Variants in PDK1 observed in about 807,000 individuals in gnomAD.
PDK1 encodes the protein [Pyruvate dehydrogenase (acetyl-transferring)] kinase isozyme 1, mitochondrial.
PDK1 carries 39 observed loss-of-function variants against 54.2 expected under a neutral mutation model. The ratio of observed to expected loss-of-function variants is 0.72; its 90% CI spans 0.56 to 0.94. The LOEUF is 0.94. Among genes scored for constraint, PDK1 ranks in the 40% least tolerant of loss-of-function variants. PDK1 has a pLI of 0.00. For missense variants in PDK1, 552 were observed against 566.0 expected, an observed-to-expected ratio of 0.98 and a Z score of 0.25; for synonymous variants, 221 against 207.1, an observed-to-expected ratio of 1.07 and a Z score of -0.58.
chr2:172,684,679 C>T, the PDK1 span, among the ~76,000 whole-genome samples: 334 of 152,308 alleles, frequency 2.2e-3, 2 homozygotes, highest in African/African-American at 7.8e-3. Flanking sequence ...TCTTCAGTCT[C>T]AGCAAGGACA....
the PDK1 span, among the ~76,000 whole-genome samples, chr2:172,681,906 C>A: frequency 6.6e-6 from 1 of 152,088 alleles, no homozygotes; most frequent in East Asian, 1.9e-4. Flanking sequence ...TACAGGCACC[C>A]GCCACCACAC....
At chr2:172,570,553 C>T in intron 7 of PDK1, 173 bp from the exon 8 acceptor site, 3 of 456,396 alleles carry the variant, frequency 6.6e-6, no homozygotes, top group South Asian at 4.9e-5. Context: ...CCTTCAAATC[C>T]CCCCCAAATT....
the PDK1 span, chr2:172,674,101 T>G: frequency 5.3e-5 from 8 of 152,238 alleles, no homozygotes; most frequent in Non-Finnish European, 1.2e-4. Context: ...TGATGAACTA[T>G]CAACAAAGAA....
chr2:172,694,259 A>G, the PDK1 span, among the ~76,000 whole-genome samples: 130 of 152,348 alleles, frequency 8.5e-4, no homozygotes, highest in African/African-American at 3.0e-3. Context: ...CCCTAATGCA[A>G]TGTCCATGTG....
At chr2:172,720,205 C>G in the PDK1 span, among the ~76,000 whole-genome samples, 4 of 151,094 alleles carry the variant, frequency 2.6e-5, no homozygotes, top group Non-Finnish European at 5.9e-5. Context: ...ACCTCTGCCT[C>G]CTGGATTCAA....
chr2:172,701,094 G>A, the PDK1 span, among the ~76,000 whole-genome samples: 1,181 of 152,188 alleles, frequency 7.8e-3, 12 homozygotes, highest in Middle Eastern at 0.014. Flanking sequence ...ATTTTTATTT[G>A]TACAAAGTAA....
At chr2:172,717,922 T>G in the PDK1 span, among the ~76,000 whole-genome samples, 2 of 152,164 alleles carry the variant, frequency 1.3e-5, no homozygotes, top group African/African-American at 4.8e-5. Flanking sequence ...CATTTTAAGA[T>G]AGCAAAGGAA....
the PDK1 span, among the ~76,000 whole-genome samples, chr2:172,697,843 C>T: frequency 6.6e-6 from 1 of 152,202 alleles, no homozygotes; most frequent in African/African-American, 2.4e-5. Flanking sequence ...TACATTACCA[C>T]AGCTATAGTT....
At chr2:172,571,256 C>CA (rs1374947128) in intron 8 of PDK1, among the ~76,000 whole-genome samples, 1 of 152,174 alleles carries the variant, frequency 6.6e-6, no homozygotes, top group Non-Finnish European at 1.5e-5. Context: ...GAGACTAAGA[C>CA]ACAGTGATTA....
chr2:172,686,841 A>G, the PDK1 span, among the ~76,000 whole-genome samples: 6 of 152,220 alleles, frequency 3.9e-5, no homozygotes, highest in South Asian at 6.2e-4. Flanking sequence ...CTATCTATCT[A>G]TATATCTACC....
the PDK1 span, among the ~76,000 whole-genome samples, chr2:172,633,232 G>C: frequency 1.3e-5 from 2 of 150,674 alleles, no homozygotes; most frequent in Non-Finnish European, 2.9e-5. Context: ...TTTTTTTTTA[G>C]AGATAGGGTC....
the PDK1 span, among the ~76,000 whole-genome samples, chr2:172,676,975 A>G: frequency 0.13 from 19,166 of 152,274 alleles, 1,316 homozygotes; most frequent in South Asian, 0.2. Context: ...ATTACAACTC[A>G]CTGAAGGCTC....
rs1336564474 is a variant in PDK1 at position 172,603,490 on chromosome 2, G to A, written c.*7521G>A. On this transcript the variant is annotated 3_prime_UTR_variant, in exon 11 of 11. Coordinates refer to ENST00000282077, the MANE Select transcript of PDK1 (RefSeq NM_002610.5). ...TGCTTATCTTTGTATCCATTTCATGGGGAAGGTCATGGAAGACGACAGCAA... is the reference window on the plus strand; with the variant it reads ...TGCTTATCTTTGTATCCATTTCATGAGGAAGGTCATGGAAGACGACAGCAA... 1 of 152,200 alleles carries A rather than the reference G, an allele frequency of 6.6e-6. No homozygotes were observed. Among genetic ancestry groups the A allele is most frequent in the African/African-American group, 2.4e-5 (1 of 41,436 alleles). 9.4% of individuals were successfully genotyped at this position (152,200 alleles called of 1,614,324 possible). A position where few individuals can be genotyped will look rare whatever the true frequency, so the allele number is the denominator to read the frequency against.
the PDK1 span, among the ~76,000 whole-genome samples, chr2:172,718,933 T>G: frequency 6.6e-6 from 1 of 152,230 alleles, no homozygotes; most frequent in Admixed American, 6.5e-5. Context: ...ACCACTACAT[T>G]CAAGATATTG....
chr2:172,687,645 C>T, the PDK1 span, among the ~76,000 whole-genome samples: 1 of 152,174 alleles, frequency 6.6e-6, no homozygotes, highest in Non-Finnish European at 1.5e-5. Context: ...AACCTTCATT[C>T]CGAGGGGTCT....
the PDK1 span, among the ~76,000 whole-genome samples, chr2:172,644,276 C>T: frequency 7.9e-4 from 120 of 152,274 alleles, no homozygotes; most frequent in Non-Finnish European, 1.4e-3. Flanking sequence ...AAAATCAGCC[C>T]GCACCTCTGT....
chr2:172,709,215 C>G, the PDK1 span, among the ~76,000 whole-genome samples: 1 of 152,160 alleles, frequency 6.6e-6, no homozygotes, highest in African/African-American at 2.4e-5. Context: ...TCCTGGAGTC[C>G]TAGCCTCTCG....
At chr2:172,574,849 G>T (rs1689491000) in intron 8 of PDK1, among the ~76,000 whole-genome samples, 2 of 152,092 alleles carry the variant, frequency 1.3e-5, no homozygotes, top group African/African-American at 4.8e-5. Flanking sequence ...CTATATAAAT[G>T]ATCATGTCTC....
intron 6 of PDK1, among the ~76,000 whole-genome samples, chr2:172,568,188 C>T (rs1021276270): frequency 4.0e-5 from 6 of 151,608 alleles, no homozygotes; most frequent in Non-Finnish European, 7.4e-5. Context: ...ATCAGCCAGG[C>T]GTGGTGGTTG....
Sources: allele counts gnomAD v4.1 joint callset (sites outside exome capture counted in the v4.1 genomes callset), GRCh38; gene constraint gnomAD v4.1.1; transcripts MANE v1.5; gene names NCBI Gene and HGNC (gene_info 2026-07-23, HGNC 2026-07-21).